The following ADAMTS9 variants were observed in gnomAD, a reference collection of about 807,000 sequenced individuals.
The protein encoded by ADAMTS9 is A disintegrin and metalloproteinase with thrombospondin motifs 9.
In ADAMTS9, 107 loss-of-function variants were observed where a neutral mutation model predicts 257.1. The observed-to-expected ratio is 0.42, with a 90% CI of 0.36 to 0.49. The LOEUF is 0.49. Ranked by LOEUF, ADAMTS9 falls within the 20% of genes least tolerant of loss-of-function variation. ADAMTS9 has a pLI of 0.03. For missense variants in ADAMTS9, 2,353 were observed against 2,469.1 expected (o/e 0.95, Z 1.00); for synonymous variants, 982 against 880.9 (o/e 1.11, Z -2.03).
chr3:64,561,068 T>C (rs73120264), intron 30 of ADAMTS9, among the ~76,000 whole-genome samples: 1 of 94,540 alleles, frequency 1.1e-5, no homozygotes, highest in Non-Finnish European at 2.6e-5. Flanking sequence ...TACCATCCTT[T>C]TTTTTTTTTT....
chr3:64,598,178 C>T (rs1388560036), intron 26 of ADAMTS9, among the ~76,000 whole-genome samples: 2 of 151,984 alleles, frequency 1.3e-5, no homozygotes, highest in African/African-American at 4.8e-5. Flanking sequence ...ATTGGGTTTA[C>T]TTTTTTAATG....
At chr3:64,517,415 G>GTTT (rs1242670245) in intron 39 of ADAMTS9, among the ~76,000 whole-genome samples, 3 of 11,568 alleles carry the variant, frequency 2.6e-4, no homozygotes, top group Admixed American at 1.8e-3. Context: ...AATTAAAAAT[G>GTTT]GTTTTTTTTT....
chr3:64,532,787 A>T (rs2082999235), intron 38 of ADAMTS9, among the ~76,000 whole-genome samples: 1 of 152,210 alleles, frequency 6.6e-6, no homozygotes. Flanking sequence ...TTTCTAAATA[A>T]AAAGAAGAGG....
At chr3:64,664,188 GA>G (rs1051444477) in intron 3 of ADAMTS9, among the ~76,000 whole-genome samples, 38 of 152,058 alleles carry the variant, frequency 2.5e-4, no homozygotes, top group African/African-American at 8.7e-4. Flanking sequence ...CACTGTCCTG[GA>G]AAGCACTGAA....
chr3:64,667,799 A>G (rs1701386280), intron 3 of ADAMTS9, among the ~76,000 whole-genome samples: 1 of 152,210 alleles, frequency 6.6e-6, no homozygotes, highest in South Asian at 2.1e-4. Context: ...AGCACTTCAT[A>G]TGGATTAACT....
At chr3:64,678,258 A>G (rs921564248) in intron 3 of ADAMTS9, among the ~76,000 whole-genome samples, 2 of 152,196 alleles carry the variant, frequency 1.3e-5, no homozygotes, top group Admixed American at 6.5e-5. Flanking sequence ...TTGTTGGCCT[A>G]GACAAGACTG....
intron 26 of ADAMTS9, among the ~76,000 whole-genome samples, chr3:64,598,971 CT>C (rs142592224): frequency 0.016 from 2,398 of 152,244 alleles, 62 homozygotes; most frequent in African/African-American, 0.054. Context: ...GCTCTAGAAA[CT>C]CCATGGTATT....
At chr3:64,671,085 T>C (rs1161309533) in intron 3 of ADAMTS9, among the ~76,000 whole-genome samples, 3 of 152,198 alleles carry the variant, frequency 2.0e-5, no homozygotes, top group Non-Finnish European at 2.9e-5. Flanking sequence ...CAAAAATCTG[T>C]ATGCAAATGT....
At chr3:64,651,817 C>T (rs1328553082) in intron 8 of ADAMTS9, among the ~76,000 whole-genome samples, 2 of 152,096 alleles carry the variant, frequency 1.3e-5, no homozygotes, top group Non-Finnish European at 2.9e-5. Flanking sequence ...CATGCCAGCA[C>T]CAATTGATTG....
chr3:64,529,612 T>C lies in ADAMTS9; in HGVS notation c.5718+3554A>G, dbSNP rs886790762. Reference sequence around the variant, plus strand: ...GTAGGTATCGAGTGGGAACAGGATATGGCACAATTCTTGAAGTGTGTTTCA... The same window carrying C: ...GTAGGTATCGAGTGGGAACAGGATACGGCACAATTCTTGAAGTGTGTTTCA... On this transcript the variant is annotated intron_variant, in intron 38 of 39. Coordinates refer to ENST00000498707, the MANE Select transcript of ADAMTS9 (RefSeq NM_182920.2). Among the ~76,000 whole-genome samples the C allele has an allele frequency of 7.9e-5, 12 of 152,232 alleles. No individual in the cohort carries two copies. The South Asian group carries it at 1.9e-3, about 24-fold the overall frequency.
chr3:64,675,495 T>C (rs937476530), intron 3 of ADAMTS9, among the ~76,000 whole-genome samples: 1 of 152,140 alleles, frequency 6.6e-6, no homozygotes, highest in Admixed American at 6.5e-5. Context: ...GGCATATGTC[T>C]TTAGTTTTGG....
chr3:64,593,439 CTATT>C (rs1166602615), intron 28 of ADAMTS9, among the ~76,000 whole-genome samples: 1 of 152,228 alleles, frequency 6.6e-6, no homozygotes, highest in Non-Finnish European at 1.5e-5. Flanking sequence ...CATTTTTCCT[CTATT>C]TACATGAAAC....
At chr3:64,645,193 C>A (rs772803117) in intron 11 of ADAMTS9, among the ~76,000 whole-genome samples, 1 of 152,214 alleles carries the variant, frequency 6.6e-6, no homozygotes, top group African/African-American at 2.4e-5. Context: ...TAAAGTCAGC[C>A]TTTATTTAAA....
intron 11 of ADAMTS9, among the ~76,000 whole-genome samples, chr3:64,644,893 C>A (rs532663042): frequency 2.0e-5 from 3 of 152,288 alleles, no homozygotes; most frequent in African/African-American, 4.8e-5. Context: ...GCACTGCACT[C>A]AAATGTCCTC....
chr3:64,614,273 T>C (rs893882343), intron 21 of ADAMTS9, among the ~76,000 whole-genome samples: 5 of 152,186 alleles, frequency 3.3e-5, no homozygotes, highest in Non-Finnish European at 7.3e-5. Flanking sequence ...ACTACTTATC[T>C]TTTTTTAACC....
Position 64,541,843 on chromosome 3 carries a change from T to C in ADAMTS9, c.5192A>G (p.Tyr1731Cys), listed in dbSNP as rs780728947. The C allele has an allele frequency of 6.2e-7, 1 of 1,614,226 alleles. No individual in the cohort carries two copies. The highest frequency in any genetic ancestry group is 8.5e-7 in the Non-Finnish European group (1 of 1,180,028). Residue 1731 changes from tyrosine to cysteine, a missense_variant, in exon 33 of 40, where the codon TAT becomes TGT. Physicochemically the swap from Tyr to Cys is radical, Grantham distance 194. Coordinates refer to ENST00000498707, the MANE Select transcript of ADAMTS9 (RefSeq NM_182920.2). ...PEERKTCRNV[Y>C]NCELPQNCKE... is the part of the protein sequence containing the mutation. ...ACTTCAGTTGGCCAACTTACAGTTA[T>C]AGACATTACGGCAGGTTTTTCGTTC...
chr3:64,552,229 C>A (rs1302756545), intron 30 of ADAMTS9, among the ~76,000 whole-genome samples: 1 of 152,178 alleles, frequency 6.6e-6, no homozygotes, highest in Non-Finnish European at 1.5e-5. Context: ...TCCCATAAGC[C>A]AAGGGATGAT....
At chr3:64,538,930 G>A (rs1157542480) in intron 37 of ADAMTS9, among the ~76,000 whole-genome samples, 2 of 151,990 alleles carry the variant, frequency 1.3e-5, no homozygotes, top group Non-Finnish European at 2.9e-5. Flanking sequence ...CCAAGCCCTC[G>A]CTAACCGACA....
At chr3:64,539,138 T>C in intron 37 of ADAMTS9, 65 bp downstream of exon 37, 2 of 1,486,094 alleles carry the variant, frequency 1.3e-6, no homozygotes, top group Non-Finnish European at 1.9e-6. Context: ...CAGATGCAAC[T>C]GAGGATGTTC....
Sources: allele counts gnomAD v4.1 joint callset (sites outside exome capture counted in the v4.1 genomes callset), GRCh38; gene constraint gnomAD v4.1.1; transcripts MANE v1.5; gene names NCBI Gene and HGNC (gene_info 2026-07-23, HGNC 2026-07-21).